The following SRGAP2 variants were observed in gnomAD, a reference collection of about 807,000 sequenced individuals.
SRGAP2 encodes SLIT-ROBO Rho GTPase-activating protein 2.
A neutral mutation model predicts 57.2 loss-of-function variants in SRGAP2; 15 were observed. That is an observed-to-expected ratio of 0.26 (90% CI 0.18 to 0.40). SRGAP2 has a LOEUF of 0.40. Ranked by LOEUF, SRGAP2 falls within the 10% of genes least tolerant of loss-of-function variation. The probability of loss-of-function intolerance (pLI) is 1.00; values close to 1 mark genes in which losing one functional copy is unlikely to be tolerated. For missense variants in SRGAP2, 520 were observed against 669.6 expected (o/e 0.78, Z 2.47); for synonymous variants, 249 against 248.0 (o/e 1.00, Z -0.04).
intron 13 of SRGAP2, among the ~76,000 whole-genome samples, chr1:206,428,381 C>T (rs1267917938): frequency 6.8e-6 from 1 of 146,202 alleles, no homozygotes; most frequent in African/African-American, 2.6e-5. Context: ...CGCACCACTG[C>T]ACTCTGTCTG....
intron 2 of SRGAP2, among the ~76,000 whole-genome samples, chr1:206,242,312 TGA>T (rs1258347871): frequency 2.9e-4 from 44 of 152,178 alleles, no homozygotes; most frequent in Admixed American, 5.2e-4. Flanking sequence ...GATATTAAAT[TGA>T]GAGACAAAAA....
At chr1:206,295,912 A>T (rs1256102080) in intron 2 of SRGAP2, among the ~76,000 whole-genome samples, 1 of 151,164 alleles carries the variant, frequency 6.6e-6, no homozygotes, top group African/African-American at 2.4e-5. Flanking sequence ...TATTTATTTT[A>T]TTTTTTTGAG....
chr1:206,427,447 C>G (rs189796636), intron 13 of SRGAP2, among the ~76,000 whole-genome samples: 1 of 152,114 alleles, frequency 6.6e-6, no homozygotes, highest in African/African-American at 2.4e-5. Context: ...GCATTTGGGT[C>G]GCTGCGACCG....
intron 2 of SRGAP2, among the ~76,000 whole-genome samples, chr1:206,209,703 A>T (rs552994736): frequency 6.6e-6 from 1 of 151,378 alleles, no homozygotes; most frequent in African/African-American, 2.4e-5. Context: ...CAGTATCCTC[A>T]GGGGATTGGT....
rs111635166 is a variant in SRGAP2, at chr1:206,429,883, TATTA to T, written c.1495-270_1495-267del. 4.0e-3 allele frequency among the ~76,000 whole-genome samples: 612 copies of T among 152,296 alleles called. 3 individuals are homozygous for T. The highest frequency in any genetic ancestry group is 6.8e-3 in the Middle Eastern group (2 of 294). On this transcript the variant is annotated intron_variant, in intron 13 of 22. Transcript: ENST00000573034. ...TATTTAGAAGGCAGACATGACAGAATATTAATTAATTAGGTGGTGGAGAAGGTGG... is the reference window on the plus strand; with the variant it reads ...TATTTAGAAGGCAGACATGACAGAATATTAATTAGGTGGTGGAGAAGGTGG...
chr1:206,290,494 T>A (rs1345227989), intron 2 of SRGAP2, among the ~76,000 whole-genome samples: 2 of 151,608 alleles, frequency 1.3e-5, no homozygotes, highest in Non-Finnish European at 2.9e-5. Context: ...ACAAAAAAAT[T>A]GGCCCGGCGT....
Position 206,440,100 on chromosome 1 carries a change from G to T in SRGAP2, c.1874+19G>T. 1 of 779,712 alleles carries T rather than the reference G, an allele frequency of 1.3e-6. No individual in the cohort carries two copies. Among genetic ancestry groups the T allele is most frequent in the South Asian group, 1.3e-5 (1 of 74,356 alleles). The allele number at this position is 779,712 out of a possible 1,614,324, so 48.3% of individuals were successfully genotyped here. On this transcript the variant is annotated intron_variant, in intron 17 of 22. Transcript: ENST00000573034. Reference sequence around the variant, plus strand: ...TCAATCAGTGAGTAGCCTTCCCAGTGAACAGCTGGATCAGGCTTTGGCTTG... The same window carrying T: ...TCAATCAGTGAGTAGCCTTCCCAGTTAACAGCTGGATCAGGCTTTGGCTTG...
intron 4 of SRGAP2, among the ~76,000 whole-genome samples, chr1:206,346,449 A>C (rs1644209212): frequency 6.6e-6 from 1 of 152,246 alleles, no homozygotes; most frequent in African/African-American, 2.4e-5. Context: ...AGGACAAACA[A>C]AAGTGGATAT....
chr1:206,304,304 A>G (rs1347280837), intron 3 of SRGAP2, among the ~76,000 whole-genome samples: 2 of 140,944 alleles, frequency 1.4e-5, no homozygotes, highest in African/African-American at 2.8e-5. Context: ...GACCAATTAA[A>G]TGAGAATCTC....
At chr1:206,444,189 A>AG (rs1553373016) in intron 17 of SRGAP2, among the ~76,000 whole-genome samples, 2 of 152,274 alleles carry the variant, frequency 1.3e-5, no homozygotes, top group East Asian at 3.9e-4. Context: ...AAAAAAAAAA[A>AG]AAAGAACCAC....
chr1:206,422,620 C>G (rs1553364815), intron 13 of SRGAP2, among the ~76,000 whole-genome samples: 1 of 152,176 alleles, frequency 6.6e-6, no homozygotes, highest in Admixed American at 6.5e-5. Context: ...TGGCTGAAAC[C>G]AGGCATCTTG....
In SRGAP2 at chr1:206,458,755, C is replaced by G. The variant is rs782346878; in HGVS notation, c.2640C>G (p.Ile880Met). The part of the protein sequence containing the change: ...GASCRPSSQP[I>M]MSQSLPKEGP... ...GCTGCCGCCCATCCTCCCAGCCCAT[C>G]ATGAGCCAGAGCCTCCCCAAAGAAG... The change falls in exon 22 of 23, where the codon ATC becomes ATG. Residue 880 changes from isoleucine (I) to methionine (M), a missense_variant. Ile to Met is a conservative substitution (Grantham distance 10, BLOSUM62 1). Around this residue, in one of 5 missense-constraint regions of SRGAP2, gnomAD observed 478 missense variants for 373.6 expected, o/e 1.28. Coordinates refer to ENST00000573034, the MANE Select transcript of SRGAP2 (RefSeq NM_015326.5). 2.3e-5 allele frequency: 18 copies of G among 780,786 alleles called. No homozygotes were observed. The highest frequency in any genetic ancestry group is 9.7e-5 in the East Asian group (4 of 41,238). 48.4% of individuals were successfully genotyped at this position (780,786 alleles called of 1,614,324 possible).
At chr1:206,427,762 A>G (rs1268002536) in intron 13 of SRGAP2, among the ~76,000 whole-genome samples, 6 of 152,156 alleles carry the variant, frequency 3.9e-5, no homozygotes, top group African/African-American at 1.4e-4. Context: ...CCTCTCCCTG[A>G]TCTCTTTCTT....
intron 5 of SRGAP2, 96 bp from the exon 6 acceptor site, chr1:206,392,593 T>G: frequency 1.5e-6 from 1 of 688,386 alleles, no homozygotes; most frequent in African/African-American, 2.0e-5. Context: ...TATTGCTTCA[T>G]GGGGGAGAGC....
At chr1:206,221,229 C>T (rs376689846) in intron 2 of SRGAP2, among the ~76,000 whole-genome samples, 36 of 149,270 alleles carry the variant, frequency 2.4e-4, no homozygotes, top group East Asian at 1.7e-3. Context: ...CATGAGCCAC[C>T]GTACCTGGCC....
Position 206,204,918 on chromosome 1 carries a change from C to CA in SRGAP2, c.-542-510dup, listed in dbSNP as rs1553300740. On this transcript the variant is annotated intron_variant, in intron 1 of 22. Coordinates refer to ENST00000573034, the MANE Select transcript of SRGAP2 (RefSeq NM_015326.5). Reference sequence around the variant, plus strand: ...TTTCCTGCAGATTTGCCCCCCCCCCCATCAACATTTTGCTGCCAAGAGAAG... The same window carrying CA: ...TTTCCTGCAGATTTGCCCCCCCCCCCAATCAACATTTTGCTGCCAAGAGAAG... 50 of 141,114 alleles carry CA rather than the reference C, an allele frequency of 3.5e-4. 1 individual carries two copies. The highest frequency in any genetic ancestry group is 1.2e-3 in the African/African-American group (43 of 34,612). The allele number at this position is 141,114 out of a possible 1,614,324, so 8.7% of individuals were successfully genotyped here.
intron 2 of SRGAP2, among the ~76,000 whole-genome samples, chr1:206,225,312 T>C (rs1667212682): frequency 1.3e-5 from 2 of 149,724 alleles, no homozygotes; most frequent in South Asian, 2.1e-4. Context: ...GATATTATGT[T>C]TGACCACACT....
chr1:206,415,910 G>A lies in SRGAP2; in HGVS notation c.1378G>A (p.Gly460Ser), dbSNP rs1553361718. Reference sequence around the variant, plus strand: ...ACAGAAAATGAAAGAGTACCTGGAGGGCAGGAACCTCATCACCAAGTTACA... The same window carrying A: ...ACAGAAAATGAAAGAGTACCTGGAGAGCAGGAACCTCATCACCAAGTTACA... The part of the protein sequence containing the change: ...YFTKMKEYLE[G>S]RNLITKLQAK... Residue 460 changes from glycine (G) to serine (S), a missense_variant, in exon 11 of 23, where the codon GGC becomes AGC. Gly to Ser is a moderately conservative substitution (Grantham distance 56, BLOSUM62 0). Around this residue, in one of 5 missense-constraint regions of SRGAP2, gnomAD observed 478 missense variants for 373.6 expected, o/e 1.28. Transcript: ENST00000573034. 1 of 780,264 alleles carries A rather than the reference G, an allele frequency of 1.3e-6. No individual in the cohort carries two copies. Among genetic ancestry groups the A allele is most frequent in the East Asian group, 2.4e-5 (1 of 41,214 alleles). 48.3% of individuals were successfully genotyped at this position (780,264 alleles called of 1,614,324 possible).
chr1:206,256,442 C>G (rs1201590050), intron 2 of SRGAP2, among the ~76,000 whole-genome samples: 1 of 148,410 alleles, frequency 6.7e-6, no homozygotes, highest in Non-Finnish European at 1.5e-5. Context: ...AGTAACAATT[C>G]CCATTCTATT....
Sources: allele counts gnomAD v4.1 joint callset (sites outside exome capture counted in the v4.1 genomes callset), GRCh38; gene constraint gnomAD v4.1.1; regional missense constraint gnomAD v4.1.1; transcripts MANE v1.5; gene names NCBI Gene and HGNC (gene_info 2026-07-23, HGNC 2026-07-21).